KIAA1328: variants seen among roughly 807,000 people sequenced by gnomAD.
KIAA1328 encodes protein hinderin.
A neutral mutation model predicts 68.1 loss-of-function variants in KIAA1328; 52 were observed. That is an observed-to-expected ratio of 0.76 (90% CI 0.61 to 0.96). The LOEUF (loss-of-function observed/expected upper bound fraction) is 0.96. Among genes scored for constraint, KIAA1328 ranks in the 40% least tolerant of loss-of-function variants. The probability of loss-of-function intolerance (pLI) is 0.00; values close to 1 mark genes in which losing one functional copy is unlikely to be tolerated. For missense variants in KIAA1328, 641 were observed against 677.6 expected (o/e 0.95, Z 0.60); for synonymous variants, 232 against 239.4 (o/e 0.97, Z 0.28).
intron 4 of KIAA1328, among the ~76,000 whole-genome samples, chr18:36,875,915 A>G (rs148451950): frequency 8.7e-5 from 13 of 148,714 alleles, no homozygotes; most frequent in African/African-American, 2.4e-4. Flanking sequence ...TTCTGCATCT[A>G]TTGAGGTAAT....
intron 5 of KIAA1328, among the ~76,000 whole-genome samples, chr18:36,902,522 A>G (rs1186112328): frequency 3.9e-5 from 6 of 152,104 alleles, no homozygotes; most frequent in Non-Finnish European, 7.4e-5. Flanking sequence ...TTTAAGTGCT[A>G]TGCCACTGGT....
intron 6 of KIAA1328, among the ~76,000 whole-genome samples, chr18:37,023,509 G>A (rs2054430524): frequency 6.6e-6 from 1 of 152,098 alleles, no homozygotes; most frequent in African/African-American, 2.4e-5. Flanking sequence ...CTATTTTGGA[G>A]TTTTAGTGTC....
chr18:36,900,541 C>A (rs913900678), intron 5 of KIAA1328, among the ~76,000 whole-genome samples: 11 of 151,902 alleles, frequency 7.2e-5, no homozygotes, highest in South Asian at 2.1e-4. Context: ...AAATCAGTTG[C>A]TTTAGTATGA....
At chr18:37,048,539 A>G (rs1399786998) in intron 6 of KIAA1328, among the ~76,000 whole-genome samples, 1 of 152,288 alleles carries the variant, frequency 6.6e-6, no homozygotes, top group Non-Finnish European at 1.5e-5. Context: ...TAGTCATCCA[A>G]TACAATCTCT....
intron 7 of KIAA1328, among the ~76,000 whole-genome samples, chr18:37,148,115 T>C (rs2058945345): frequency 6.6e-6 from 1 of 152,122 alleles, no homozygotes; most frequent in African/African-American, 2.4e-5. Context: ...TTTTTCCTAA[T>C]GCTCTCCCTC....
At chr18:37,217,596 T>G (rs1049273312) in intron 9 of KIAA1328, among the ~76,000 whole-genome samples, 10 of 152,190 alleles carry the variant, frequency 6.6e-5, no homozygotes, top group Non-Finnish European at 1.5e-4. Context: ...TGGCTGCCCT[T>G]AACATTTTTT....
intron 6 of KIAA1328, among the ~76,000 whole-genome samples, chr18:36,963,111 CTTCTG>C (rs765184216): frequency 5.9e-5 from 9 of 152,178 alleles, no homozygotes; most frequent in Non-Finnish European, 1.2e-4. Flanking sequence ...GAAATATTTT[CTTCTG>C]TTCTGTTTTC....
At chr18:36,952,407 CT>C (rs755799214) in intron 5 of KIAA1328, among the ~76,000 whole-genome samples, 9 of 151,804 alleles carry the variant, frequency 5.9e-5, no homozygotes, top group East Asian at 1.9e-4. Context: ...GCCTTGATGT[CT>C]TTTTTTTTTA....
intron 4 of KIAA1328, among the ~76,000 whole-genome samples, chr18:36,853,614 A>T (rs1229572842): frequency 6.6e-6 from 1 of 151,772 alleles, no homozygotes; most frequent in Non-Finnish European, 1.5e-5. Flanking sequence ...CTATGTTGTT[A>T]TTGTCATTAG....
At chr18:37,152,520 C>G (rs2154210299) in intron 7 of KIAA1328, among the ~76,000 whole-genome samples, 1 of 152,206 alleles carries the variant, frequency 6.6e-6, no homozygotes, top group Middle Eastern at 3.4e-3. Context: ...GGGCAGAGAG[C>G]TTTCCTGTGT....
chr18:37,223,923 T>A lies in KIAA1328; in HGVS notation c.*1696T>A. The A allele has an allele frequency of 1.0e-6, 1 of 983,348 alleles. No homozygotes were observed. Among genetic ancestry groups the A allele is most frequent in the Admixed American group, 6.1e-5 (1 of 16,288 alleles). The allele number at this position is 983,348 out of a possible 1,614,324, so 60.9% of individuals were successfully genotyped here. On this transcript the variant is annotated 3_prime_UTR_variant, in exon 10 of 10. Transcript: ENST00000280020. The stretch of plus-strand genomic sequence containing the variant: ...AGTCAAGACTAACTAGTTATAATCA[T>A]TCCCTTAAAAAGTTGGAAAATCATT...
intron 7 of KIAA1328, among the ~76,000 whole-genome samples, chr18:37,155,811 T>C (rs2059139654): frequency 6.6e-6 from 1 of 152,160 alleles, no homozygotes; most frequent in Admixed American, 6.5e-5. Flanking sequence ...ACACCCAAAG[T>C]TTAATGCTGT....
At chr18:36,835,785 A>T (rs2046653552) in intron 3 of KIAA1328, among the ~76,000 whole-genome samples, 1 of 152,234 alleles carries the variant, frequency 6.6e-6, no homozygotes, top group Non-Finnish European at 1.5e-5. Context: ...GCATAGTAAT[A>T]GTATCGGTGC....
At chr18:37,050,332 T>C (rs1159192289) in intron 6 of KIAA1328, among the ~76,000 whole-genome samples, 1 of 152,200 alleles carries the variant, frequency 6.6e-6, no homozygotes, top group Non-Finnish European at 1.5e-5. Flanking sequence ...TATTCTCCTT[T>C]ATGTTTTGTT....
chr18:37,120,557 T>C (rs1414709508), intron 7 of KIAA1328, among the ~76,000 whole-genome samples: 1 of 152,082 alleles, frequency 6.6e-6, no homozygotes, highest in Non-Finnish European at 1.5e-5. Context: ...AAAGAAGCGC[T>C]GGATGGTGTA....
At chr18:36,847,258 A>G (rs899941043) in intron 4 of KIAA1328, among the ~76,000 whole-genome samples, 1 of 151,478 alleles carries the variant, frequency 6.6e-6, no homozygotes, top group Admixed American at 6.6e-5. Flanking sequence ...CATGAACATA[A>G]TTATTTTTCT....
At chr18:37,056,378 A>G (rs977880608) in intron 6 of KIAA1328, among the ~76,000 whole-genome samples, 2 of 152,148 alleles carry the variant, frequency 1.3e-5, no homozygotes, top group Non-Finnish European at 2.9e-5. Context: ...TCAATATTAG[A>G]AAATCCTTCA....
At chr18:37,183,048 T>C (rs1049400248) in intron 9 of KIAA1328, among the ~76,000 whole-genome samples, 7 of 152,186 alleles carry the variant, frequency 4.6e-5, no homozygotes, top group African/African-American at 1.7e-4. Flanking sequence ...GGATTTTCCT[T>C]ATGCAATGTT....
At chr18:36,891,354 T>A (rs1012175054) in intron 5 of KIAA1328, among the ~76,000 whole-genome samples, 1 of 152,234 alleles carries the variant, frequency 6.6e-6, no homozygotes, top group Non-Finnish European at 1.5e-5. Flanking sequence ...TTTGGTTACA[T>A]GGACAAGTTA....
Sources: gnomAD v4.1 joint callset for allele counts (sites outside exome capture counted in the v4.1 genomes callset) on GRCh38, gnomAD v4.1.1 for gene constraint, MANE v1.5 for transcripts, NCBI Gene and HGNC (gene_info 2026-07-23, HGNC 2026-07-21) for gene names.